The following ZBTB20 variants were observed in gnomAD, a reference collection of about 807,000 sequenced individuals.
ZBTB20 encodes the protein zinc finger and BTB domain-containing protein 20.
In ZBTB20, 9 loss-of-function variants were observed where a neutral mutation model predicts 56.9. The observed-to-expected ratio is 0.16, with a 90% CI of 0.10 to 0.28. The LOEUF (loss-of-function observed/expected upper bound fraction) is 0.28. Ranked by LOEUF, ZBTB20 falls within the 10% of genes least tolerant of loss-of-function variation. ZBTB20 has a pLI of 1.00. For missense variants in ZBTB20, 655 were observed against 1,003.0 expected, an observed-to-expected ratio of 0.65 and a Z score of 4.69; for synonymous variants, 417 against 420.7, an observed-to-expected ratio of 0.99 and a Z score of 0.11.
chr3:114,367,285 G>T (rs2082512462), intron 10 of ZBTB20: 1 of 152,050 alleles, frequency 6.6e-6, no homozygotes, highest in Non-Finnish European at 1.5e-5. Flanking sequence ...TTATTTTTTA[G>T]AGACAGGATC....
intron 1 of ZBTB20, among the ~76,000 whole-genome samples, chr3:115,143,900 T>C (rs899632350): frequency 6.6e-6 from 1 of 152,220 alleles, no homozygotes; most frequent in Admixed American, 6.5e-5. Flanking sequence ...TTTCAAACTG[T>C]AGTTCCTAAG....
intron 2 of ZBTB20, among the ~76,000 whole-genome samples, chr3:114,989,104 A>G (rs1576499936): frequency 1.3e-5 from 2 of 152,218 alleles, no homozygotes; most frequent in South Asian, 4.1e-4. Context: ...TCTTTAGTTT[A>G]ATTAGATCCC....
chr3:114,725,611 T>C (rs1278326458), intron 5 of ZBTB20, among the ~76,000 whole-genome samples: 1 of 152,238 alleles, frequency 6.6e-6, no homozygotes, highest in Non-Finnish European at 1.5e-5. Flanking sequence ...GAGACTGTTC[T>C]GGATCTAAGG....
At chr3:114,881,577 T>C (rs2076397911) in intron 4 of ZBTB20, among the ~76,000 whole-genome samples, 1 of 151,970 alleles carries the variant, frequency 6.6e-6, no homozygotes, top group Non-Finnish European at 1.5e-5. Flanking sequence ...TAGCAAAATA[T>C]AATTATATAT....
intron 5 of ZBTB20, among the ~76,000 whole-genome samples, chr3:114,757,409 G>C (rs1402317517): frequency 6.6e-6 from 1 of 152,128 alleles, no homozygotes; most frequent in Non-Finnish European, 1.5e-5. Flanking sequence ...TTAAAAATCA[G>C]AGTGCTGTAT....
At chr3:114,526,143 C>T (rs2047194601) in intron 6 of ZBTB20, among the ~76,000 whole-genome samples, 2 of 152,118 alleles carry the variant, frequency 1.3e-5, no homozygotes, top group African/African-American at 4.8e-5. Flanking sequence ...GGTTCTTCTC[C>T]ACTTTCTTAT....
rs535599347 is a variant in ZBTB20 at position 114,955,163 on chromosome 3, C to G, written c.-456+19203G>C. Among the ~76,000 whole-genome samples, 5 of 152,252 alleles carry G rather than the reference C, an allele frequency of 3.3e-5. No individual in the cohort carries two copies. In the South Asian group the frequency reaches 1.0e-3, roughly 32 times the overall value. On this transcript the variant is annotated intron_variant, in intron 3 of 11. Coordinates refer to ENST00000675478, the MANE Select transcript of ZBTB20 (RefSeq NM_001348800.3). ...AGGATAAACCAGCACAATTAGACCT[C>G]CTATAAATATGAAAGAATTCTGATA...
intron 6 of ZBTB20, among the ~76,000 whole-genome samples, chr3:114,568,129 C>T (rs1226458367): frequency 6.6e-6 from 1 of 152,198 alleles, no homozygotes; most frequent in African/African-American, 2.4e-5. Flanking sequence ...CTCTTCGCTG[C>T]CTTTCTCAAT....
intron 1 of ZBTB20, among the ~76,000 whole-genome samples, chr3:115,098,186 T>C (rs866538953): frequency 2.6e-5 from 4 of 152,150 alleles, no homozygotes; most frequent in African/African-American, 2.4e-5. Flanking sequence ...TCCATACATG[T>C]ATGACTTCGT....
At position 115,056,749 on chromosome 3, in the gene ZBTB20, C is replaced by T. The variant is rs1480207439; in HGVS notation, c.-507+14470G>A. On this transcript the variant is annotated intron_variant, in intron 2 of 11. Coordinates refer to ENST00000675478, the MANE Select transcript of ZBTB20 (RefSeq NM_001348800.3). The stretch of plus-strand genomic sequence containing the variant: ...CTACCTAGTTGTTTAATAGTCAAAT[C>T]TTACCATCTCAATTTTATGGTACAC... Among the ~76,000 whole-genome samples, 5 of 152,076 alleles carry T rather than the reference C, an allele frequency of 3.3e-5. No individual in the cohort carries two copies. In the East Asian group the frequency reaches 9.6e-4, roughly 29 times the overall value.
At chr3:114,413,630 G>A (rs1194223855) in intron 7 of ZBTB20, among the ~76,000 whole-genome samples, 1 of 152,068 alleles carries the variant, frequency 6.6e-6, no homozygotes, top group Non-Finnish European at 1.5e-5. Context: ...TAAGAAAGTA[G>A]GGACTAACTA....
intron 3 of ZBTB20, among the ~76,000 whole-genome samples, chr3:114,923,514 C>T (rs1033043548): frequency 6.6e-6 from 1 of 152,106 alleles, no homozygotes; most frequent in African/African-American, 2.4e-5. Flanking sequence ...AAACTGGATA[C>T]TCAAATGCAA....
chr3:114,596,951 CAT>C (rs886431830), intron 6 of ZBTB20, among the ~76,000 whole-genome samples: 1 of 152,142 alleles, frequency 6.6e-6, no homozygotes, highest in African/African-American at 2.4e-5. Flanking sequence ...AAGGGAGATA[CAT>C]GTTACAGAAT....
chr3:114,526,931 C>T (rs2047287298), intron 6 of ZBTB20, among the ~76,000 whole-genome samples: 1 of 152,160 alleles, frequency 6.6e-6, no homozygotes, highest in African/African-American at 2.4e-5. Context: ...TTCTCCCCTC[C>T]TCCAGATCTT....
At chr3:114,428,167 C>T (rs2089847753) in intron 7 of ZBTB20, among the ~76,000 whole-genome samples, 1 of 152,136 alleles carries the variant, frequency 6.6e-6, no homozygotes, top group African/African-American at 2.4e-5. Flanking sequence ...TACCCCCCAA[C>T]AAAGTACTGT....
intron 5 of ZBTB20, among the ~76,000 whole-genome samples, chr3:114,792,567 C>T (rs1176898887): frequency 1.3e-5 from 2 of 152,132 alleles, no homozygotes; most frequent in African/African-American, 4.8e-5. Context: ...CATTCCCAGA[C>T]TCAGATAATT....
rs1157968894 is a variant in ZBTB20 at position 114,338,834 on chromosome 3, G to A, written c.*171C>T. ...AAGCCTCCGGAAATGTAATGTACCA[G>A]CAGGCAAAAAACAGTTCTTCATGTA... On this transcript the variant is annotated 3_prime_UTR_variant, in exon 12 of 12. Coordinates refer to ENST00000675478, the MANE Select transcript of ZBTB20 (RefSeq NM_001348800.3). The A allele has an allele frequency of 5.8e-6, 4 of 690,228 alleles. No homozygotes were observed. The highest frequency in any genetic ancestry group is 8.8e-6 in the Non-Finnish European group (4 of 454,716). 42.8% of individuals were successfully genotyped at this position (690,228 alleles called of 1,614,324 possible).
chr3:114,872,187 C>A lies in ZBTB20; in HGVS notation c.-417+28117G>T, dbSNP rs76383073. On this transcript the variant is annotated intron_variant, in intron 4 of 11. Transcript: ENST00000675478. ...TTAAAATTCCTACTGCTTTCAAATTCTTTCTTCTTGCTAGATTGTGACATG... is the reference window on the plus strand; with the variant it reads ...TTAAAATTCCTACTGCTTTCAAATTATTTCTTCTTGCTAGATTGTGACATG... Among the ~76,000 whole-genome samples, 626 of 152,182 alleles carry A rather than the reference C, an allele frequency of 4.1e-3. 2 individuals are homozygous for A. Among genetic ancestry groups the A allele is most frequent in the Non-Finnish European group, 7.4e-3 (500 of 67,978 alleles).
chr3:115,028,604 C>A (rs1014454281), intron 2 of ZBTB20, among the ~76,000 whole-genome samples: 19 of 149,990 alleles, frequency 1.3e-4, no homozygotes, highest in African/African-American at 4.6e-4. Flanking sequence ...TATAAGGATA[C>A]AAAACTTCTC....
Sources: gnomAD v4.1 joint callset for allele counts (sites outside exome capture counted in the v4.1 genomes callset) on GRCh38, gnomAD v4.1.1 for gene constraint, MANE v1.5 for transcripts, NCBI Gene and HGNC (gene_info 2026-07-23, HGNC 2026-07-21) for gene names.